ADGRD1: variants seen among roughly 807,000 people sequenced by gnomAD.
The protein encoded by ADGRD1 is G-protein coupled receptor 133.
In ADGRD1, 77 loss-of-function variants were observed where a neutral mutation model predicts 113.4. The ratio of observed to expected loss-of-function variants is 0.68; its 90% CI spans 0.57 to 0.82. The LOEUF is 0.82. ADGRD1 is among the 40% of genes least tolerant of loss of function. The probability of loss-of-function intolerance (pLI) is 0.00; values close to 1 mark genes in which losing one functional copy is unlikely to be tolerated. For synonymous variants in ADGRD1, 474 were observed against 475.0 expected (o/e 1.00, Z 0.03); for missense variants, 1,036 against 1,139.1 (o/e 0.91, Z 1.30).
At chr12:131,130,376 G>T (rs1950882746) in intron 20 of ADGRD1, among the ~76,000 whole-genome samples, 1 of 152,190 alleles carries the variant, frequency 6.6e-6, no homozygotes. Context: ...AACAGTTGGG[G>T]TGCTCACTGC....
intron 13 of ADGRD1, among the ~76,000 whole-genome samples, chr12:131,056,428 C>T (rs1429785631): frequency 2.6e-5 from 4 of 152,230 alleles, no homozygotes; most frequent in African/African-American, 9.6e-5. Flanking sequence ...GGCCCTGACT[C>T]TGTCAAAATT....
chr12:131,000,960 G>A (rs770359638), intron 9 of ADGRD1, among the ~76,000 whole-genome samples: 5 of 152,208 alleles, frequency 3.3e-5, no homozygotes, highest in Non-Finnish European at 7.4e-5. Context: ...TGTCCTCTAA[G>A]GCAAAAGAAA....
chr12:130,989,344 C>CTCA (rs1235195456), intron 6 of ADGRD1: 1 of 152,230 alleles, frequency 6.6e-6, no homozygotes, highest in Non-Finnish European at 1.5e-5. Context: ...AGAGCAAACC[C>CTCA]TCATCGCCAG....
chr12:131,010,621 C>T (rs751101698), intron 12 of ADGRD1, among the ~76,000 whole-genome samples: 3 of 152,164 alleles, frequency 2.0e-5, no homozygotes, highest in Non-Finnish European at 2.9e-5. Flanking sequence ...GGAGCAGCAG[C>T]GTGGCTTTGG....
intron 13 of ADGRD1, among the ~76,000 whole-genome samples, chr12:131,033,165 G>A (rs1257150116): frequency 6.6e-6 from 1 of 152,170 alleles, no homozygotes; most frequent in Non-Finnish European, 1.5e-5. Flanking sequence ...GACCAGGCTG[G>A]CCCTGCCCGA....
Position 131,084,510 on chromosome 12 carries a change from CT to C in ADGRD1, c.1548-29del. Reference sequence around the variant, plus strand: ...CTGCCTGCCAAGGGTGCGGTGCTACCTCCTCTGATCCTTTCTCCTGTGTCCT... The same window carrying C: ...CTGCCTGCCAAGGGTGCGGTGCTACCCCTCTGATCCTTTCTCCTGTGTCCT... On this transcript the variant is annotated intron_variant, in intron 14 of 24. Transcript: ENST00000261654. This position sits in a 1 kb window ranked among gnomAD's most constrained non-coding sequence, Gnocchi z 4.5. 1.9e-6 allele frequency: 3 copies of C among 1,613,630 alleles called. No individual in the cohort carries two copies. The highest frequency in any genetic ancestry group is 1.3e-5 in the African/African-American group (1 of 74,898).
intron 13 of ADGRD1, among the ~76,000 whole-genome samples, chr12:131,061,899 T>C (rs1441739802): frequency 6.6e-6 from 1 of 152,264 alleles, no homozygotes; most frequent in Non-Finnish European, 1.5e-5. Context: ...AAGTGACCTT[T>C]TGAGATGGAC....
chr12:131,066,537 C>A (rs980080742), intron 13 of ADGRD1, among the ~76,000 whole-genome samples: 4 of 152,234 alleles, frequency 2.6e-5, no homozygotes, highest in African/African-American at 9.6e-5. Flanking sequence ...ACGGAGTGCC[C>A]CTGCATGCCT....
At chr12:131,069,945 C>T (rs971242213) in intron 13 of ADGRD1, 45 of 152,178 alleles carry the variant, frequency 3.0e-4, no homozygotes, top group Non-Finnish European at 4.0e-4. Context: ...ATAGAAATGC[C>T]AAAGTCCCTT....
chr12:130,982,146 A>G, intron 5 of ADGRD1, 83 bp downstream of exon 5: 1 of 1,198,304 alleles, frequency 8.3e-7, no homozygotes, highest in Non-Finnish European at 1.2e-6. Flanking sequence ...AGCCCAACGC[A>G]GCCCAAGGAG....
intron 4 of ADGRD1, chr12:130,973,016 G>A (rs10773834): frequency 0.92 from 140,440 of 152,208 alleles, 65,693 homozygotes; most frequent in East Asian, 1. Context: ...TCGGTTGGAC[G>A]GGCATCGGGT....
intron 20 of ADGRD1, among the ~76,000 whole-genome samples, chr12:131,128,601 G>T (rs1370703804): frequency 6.6e-6 from 1 of 152,200 alleles, no homozygotes; most frequent in African/African-American, 2.4e-5. Context: ...ATGCATAAAT[G>T]TGTCTGCCTA....
At chr12:131,049,073 A>G (rs929261534) in intron 13 of ADGRD1, among the ~76,000 whole-genome samples, 2 of 152,206 alleles carry the variant, frequency 1.3e-5, no homozygotes, top group Non-Finnish European at 2.9e-5. Context: ...AGCGGATGAT[A>G]CTTCATATGC....
intron 13 of ADGRD1, among the ~76,000 whole-genome samples, chr12:131,061,260 A>G (rs1884301233): frequency 6.6e-6 from 1 of 152,222 alleles, no homozygotes; most frequent in South Asian, 2.1e-4. Flanking sequence ...AGGAGGGACC[A>G]CAACCCATCT....
In ADGRD1 at chr12:131,084,651, G is replaced by A. The variant is rs1455963639; in HGVS notation, c.1659G>A (p.Val553=). ...CCAACTTTGCCATCCTCATGCAGGT[G>A]GTCCCGCTGGAGGTAAGAGCCAGGC... ...HLTNFAILMQ[V]VPLELARGHQ... Residue 553 remains valine, a synonymous_variant, in exon 15 of 25, where the codon GTG becomes GTA. Coordinates refer to ENST00000261654, the MANE Select transcript of ADGRD1 (RefSeq NM_198827.5). The surrounding 1 kb of genome is among the most constrained non-coding windows in gnomAD (Gnocchi z 4.5). 1 of 1,614,122 alleles carries A rather than the reference G, an allele frequency of 6.2e-7. No homozygotes were observed. The highest frequency in any genetic ancestry group is 8.5e-7 in the Non-Finnish European group (1 of 1,180,010).
In ADGRD1 at chr12:131,041,273, G is replaced by T. The variant is rs1455303195; in HGVS notation, c.1473+26933G>T. The stretch of plus-strand genomic sequence containing the variant: ...CTTGGATGATCTTGTGGAGCCGGAG[G>T]GTGTGGGTGGGGGATGTGGGTGCAA... On this transcript the variant is annotated intron_variant, in intron 13 of 24. Coordinates refer to ENST00000261654, the MANE Select transcript of ADGRD1 (RefSeq NM_198827.5). The surrounding 1 kb of genome is among the most constrained non-coding windows in gnomAD (Gnocchi z 4.4). Among the ~76,000 whole-genome samples the T allele has an allele frequency of 6.6e-6, 1 of 152,166 alleles. No individual in the cohort carries two copies. Among genetic ancestry groups the T allele is most frequent in the Non-Finnish European group, 1.5e-5 (1 of 68,032 alleles).
rs772068750 is a variant in ADGRD1, at chr12:131,138,121, CT to C, written c.2437-14del. ...GCCTCTGAAATTGCTCTCACGATCC[CT>C]TCCCCGCTTTCAAGGTGAGAGCCGC... On this transcript the variant is annotated splice_polypyrimidine_tract_variant and intron_variant, in intron 23 of 24. Transcript: ENST00000261654. 1 of 1,611,438 alleles carries C rather than the reference CT, an allele frequency of 6.2e-7. No homozygotes were observed. The highest frequency in any genetic ancestry group is 2.2e-5 in the East Asian group (1 of 44,862).
In ADGRD1 at chr12:131,006,052, G is replaced by T. The variant is rs1247916928; in HGVS notation, c.1331+5G>T. ...CATCTGGCCCGCCCACACCAAGTGAGTCTCGGGGGTGCTCAGCTCAGGGGC... is the reference window on the plus strand; with the variant it reads ...CATCTGGCCCGCCCACACCAAGTGATTCTCGGGGGTGCTCAGCTCAGGGGC... On this transcript the variant is annotated splice_donor_5th_base_variant and intron_variant, in intron 12 of 24. Coordinates refer to ENST00000261654, the MANE Select transcript of ADGRD1 (RefSeq NM_198827.5). The T allele has an allele frequency of 6.2e-7, 1 of 1,612,276 alleles. No homozygotes were observed. Among genetic ancestry groups the T allele is most frequent in the Non-Finnish European group, 8.5e-7 (1 of 1,179,600 alleles).
intron 17 of ADGRD1, 129 bp from the exon 18 acceptor site, chr12:131,108,595 C>T: frequency 1.5e-6 from 2 of 1,296,552 alleles, no homozygotes; most frequent in South Asian, 1.3e-5. Context: ...CAGGAAGATA[C>T]CCTGGGAAGA....
Sources: gnomAD v4.1 joint callset for allele counts (sites outside exome capture counted in the v4.1 genomes callset) on GRCh38, gnomAD v4.1.1 for gene constraint, Gnocchi (gnomAD v3.1) non-coding constraint, MANE v1.5 for transcripts, NCBI Gene and HGNC (gene_info 2026-07-23, HGNC 2026-07-21) for gene names.